The following PLA2G7 variants were observed in gnomAD, a reference collection of about 807,000 sequenced individuals.
The protein encoded by PLA2G7 is platelet-activating factor acetylhydrolase.
Under a neutral mutation model 49.6 loss-of-function variants are expected in PLA2G7, and 63 were observed. The ratio of observed to expected loss-of-function variants is 1.27; its 90% CI spans 1.04 to 1.57. The LOEUF (loss-of-function observed/expected upper bound fraction) is 1.57, where lower values mean the gene tolerates loss of function less well. Ranked by LOEUF, PLA2G7 falls within the 40% of genes most tolerant of loss-of-function variation. PLA2G7 has a pLI of 0.00. For missense variants in PLA2G7, 596 were observed against 521.2 expected (o/e 1.14, Z -1.40); for synonymous variants, 193 against 169.9 (o/e 1.14, Z -1.06).
chr6:46,727,612 A>G (rs1008820328), intron 1 of PLA2G7, among the ~76,000 whole-genome samples: 3 of 152,240 alleles, frequency 2.0e-5, no homozygotes, highest in African/African-American at 7.2e-5. Flanking sequence ...TAAGATGCAA[A>G]TGGAATTAAT....
In PLA2G7 at chr6:46,711,563, CCT is replaced by C. The variant is rs997211054; in HGVS notation, c.594_595del (p.Ile198MetfsTer9). ...TCTAAGGTAGAGCCAAGACTTGTCC[CCT>C]ATTTCTGCAGCAGATTGGTCCTTGA... On this transcript the variant is annotated frameshift_variant, in exon 7 of 12. Transcript: ENST00000274793. LOFTEE classifies it high-confidence loss of function. 6.2e-7 allele frequency: 1 copy of C among 1,613,588 alleles called. No individual in the cohort carries two copies. The highest frequency in any genetic ancestry group is 1.3e-5 in the African/African-American group (1 of 75,028).
chr6:46,723,595 A>G (rs983508724), intron 1 of PLA2G7, among the ~76,000 whole-genome samples: 1 of 152,196 alleles, frequency 6.6e-6, no homozygotes, highest in African/African-American at 2.4e-5. Context: ...GTATGCTAAC[A>G]TCTTATTAGC....
In PLA2G7 at chr6:46,709,359, A is replaced by T; in HGVS notation, c.837T>A (p.Val279=). 1 of 1,607,492 alleles carries T rather than the reference A, an allele frequency of 6.2e-7. No individual in the cohort carries two copies. The highest frequency in any genetic ancestry group is 8.5e-7 in the Non-Finnish European group (1 of 1,174,374). ...VIGHSFGGAT[V]IQTLSEDQRF... ...TCTGATCTTCACTAAGAGTCTGAATAACCGTTGCTCCACCAAAAGAATGTC... is the reference window on the plus strand; with the variant it reads ...TCTGATCTTCACTAAGAGTCTGAATTACCGTTGCTCCACCAAAAGAATGTC... Residue 279 remains valine, a synonymous_variant, in exon 9 of 12, where the codon GTT becomes GTA. Transcript: ENST00000274793.
intron 1 of PLA2G7, among the ~76,000 whole-genome samples, chr6:46,734,005 C>T (rs1765812853): frequency 1.3e-5 from 2 of 152,146 alleles, no homozygotes; most frequent in African/African-American, 4.8e-5. Context: ...CCATACGCAC[C>T]TCTCCTTCCT....
chr6:46,714,947 C>G (rs1043959480), intron 4 of PLA2G7, among the ~76,000 whole-genome samples: 1 of 151,928 alleles, frequency 6.6e-6, no homozygotes, highest in Non-Finnish European at 1.5e-5. Context: ...GTTGGTCAGG[C>G]TGGTCGTGAA....
At chr6:46,734,572 C>T (rs2150718527) in intron 1 of PLA2G7, among the ~76,000 whole-genome samples, 1 of 151,816 alleles carries the variant, frequency 6.6e-6, no homozygotes, top group Admixed American at 6.6e-5. Flanking sequence ...CCTGTAATCC[C>T]AGCATTTTGG....
intron 2 of PLA2G7, among the ~76,000 whole-genome samples, chr6:46,722,025 T>C (rs9472830): frequency 0.83 from 126,485 of 152,034 alleles, 52,808 homozygotes; most frequent in African/African-American, 0.89. Context: ...TGCATCACAA[T>C]CCTCTGGGAT....
In PLA2G7 at chr6:46,709,421, A is replaced by G. The variant is rs758914670; in HGVS notation, c.778-3T>C. 1.6e-5 allele frequency: 24 copies of G among 1,515,394 alleles called. No individual in the cohort carries two copies. The Admixed American group carries it at 3.8e-4, about 24-fold the overall frequency. 93.9% of individuals were successfully genotyped at this position (1,515,394 alleles called of 1,614,324 possible). On this transcript the variant is annotated splice_region_variant and splice_polypyrimidine_tract_variant and intron_variant, in intron 8 of 11. Coordinates refer to ENST00000274793, the MANE Select transcript of PLA2G7 (RefSeq NM_005084.4). ...ATTTTTTCCCTATCAATAGAGTCCT[A>G]TTTGAAAAAGCATGATATAAATTTA...
chr6:46,712,026 A>G (rs9472825), intron 6 of PLA2G7, among the ~76,000 whole-genome samples: 2,254 of 152,302 alleles, frequency 0.015, 55 homozygotes, highest in African/African-American at 0.05. Context: ...TGAAGACTGA[A>G]TGAAATGGCG....
At chr6:46,731,880 A>G (rs1765744568) in intron 1 of PLA2G7, among the ~76,000 whole-genome samples, 2 of 152,266 alleles carry the variant, frequency 1.3e-5, no homozygotes, top group East Asian at 3.9e-4. Flanking sequence ...CTGTAACTCC[A>G]AAAAATAGCC....
Position 46,711,577 on chromosome 6 carries a change from A to G in PLA2G7, c.582T>C (p.Ser194=). 1 of 1,613,614 alleles carries G rather than the reference A, an allele frequency of 6.2e-7. No homozygotes were observed. Among genetic ancestry groups the G allele is most frequent in the South Asian group, 1.1e-5 (1 of 91,074 alleles). Residue 194 remains serine (S), a synonymous_variant, in exon 7 of 12, where the codon TCT becomes TCC. Transcript: ENST00000274793. ...AAGACTTGTCCCCTATTTCTGCAGC[A>G]GATTGGTCCTTGAAATAGTAAGTTG... ...ASATYYFKDQ[S]AAEIGDKSWL... is the part of the protein sequence containing the mutation.
chr6:46,705,559 G>T (rs985933229), intron 10 of PLA2G7, among the ~76,000 whole-genome samples: 14 of 152,248 alleles, frequency 9.2e-5, no homozygotes, highest in African/African-American at 2.9e-4. Context: ...GATTTTAGAA[G>T]AAATGATTCT....
chr6:46,734,641 C>A (rs1765859238), intron 1 of PLA2G7, among the ~76,000 whole-genome samples: 1 of 151,638 alleles, frequency 6.6e-6, no homozygotes. Flanking sequence ...GCGAACACAG[C>A]GAAACCCCGT....
Position 46,717,043 on chromosome 6 carries a change from T to C in PLA2G7, c.163A>G (p.Lys55Glu). ...TAAGGCCCATTTCCCCGGGGGATTT[T>C]AGTTTGGCCAAAGCTTGCAGCAGCC... ...LMAAASFGQT[K>E]IPRGNGPYSV... The change falls in exon 3 of 12, where the codon AAA becomes GAA. Residue 55 changes from lysine (K) to glutamate (E), a missense_variant. Physicochemically the swap from Lys to Glu is moderately conservative, Grantham distance 56 (BLOSUM62 1). Transcript: ENST00000274793. The C allele has an allele frequency of 6.2e-7, 1 of 1,613,874 alleles. No homozygotes were observed. The highest frequency in any genetic ancestry group is 8.5e-7 in the Non-Finnish European group (1 of 1,179,730).
rs45516394 is a variant in PLA2G7 at position 46,726,380 on chromosome 6, G to T, written c.-34-3455C>A. On this transcript the variant is annotated intron_variant, in intron 1 of 11. Transcript: ENST00000274793. ...AGAGGCTTCTGAATATGAACACACA[G>T]GAATAATTCATAAGAAGTCTTTTAA... Among the ~76,000 whole-genome samples, 823 of 152,260 alleles carry T rather than the reference G, an allele frequency of 5.4e-3. 10 individuals are homozygous for T. Among genetic ancestry groups the T allele is most frequent in the African/African-American group, 0.019 (786 of 41,548 alleles).
At chr6:46,712,244 A>T in intron 6 of PLA2G7, 25 bp downstream of exon 6, 1 of 1,510,104 alleles carries the variant, frequency 6.6e-7, no homozygotes, top group East Asian at 2.3e-5. Flanking sequence ...TTGGCCAAAG[A>T]GCCCAATTAT....
Position 46,717,099 on chromosome 6 carries a change from G to GA in PLA2G7, c.110-4dup. 1 of 1,612,200 alleles carries GA rather than the reference G, an allele frequency of 6.2e-7. No individual in the cohort carries two copies. Among genetic ancestry groups the GA allele is most frequent in the Non-Finnish European group, 8.5e-7 (1 of 1,178,280 alleles). On this transcript the variant is annotated splice_polypyrimidine_tract_variant and splice_region_variant and intron_variant, in intron 2 of 11. Coordinates refer to ENST00000274793, the MANE Select transcript of PLA2G7 (RefSeq NM_005084.4). ...TACTTGTATTTTGTTGACCCATGCT[G>GA]AAAAACAGGTAAATATTATCTCATT...
chr6:46,719,629 G>T (rs146736282), intron 2 of PLA2G7, among the ~76,000 whole-genome samples: 1 of 152,122 alleles, frequency 6.6e-6, no homozygotes. Context: ...CAGATTTCAG[G>T]TGTACCTCTT....
chr6:46,713,541 A>G (rs922652626), intron 5 of PLA2G7, among the ~76,000 whole-genome samples: 2 of 152,224 alleles, frequency 1.3e-5, no homozygotes, highest in Non-Finnish European at 2.9e-5. Context: ...CTAATGTAGG[A>G]GAAATCAAAT....
Sources: allele counts gnomAD v4.1 joint callset (sites outside exome capture counted in the v4.1 genomes callset), GRCh38; gene constraint gnomAD v4.1.1; transcripts MANE v1.5; gene names NCBI Gene and HGNC (gene_info 2026-07-23, HGNC 2026-07-21).